Variants in OTOGL observed in about 807,000 individuals in gnomAD.
The protein encoded by OTOGL is otogelin like.
A neutral mutation model predicts 318.5 loss-of-function variants in OTOGL; 285 were observed. The observed-to-expected ratio is 0.89, with a 90% CI of 0.81 to 0.99. The LOEUF (loss-of-function observed/expected upper bound fraction) is 0.99, where lower values mean the gene tolerates loss of function less well. Ranked by LOEUF, OTOGL falls within the 50% of genes least tolerant of loss-of-function variation. OTOGL has a pLI of 0.00. For missense variants in OTOGL, 2,899 were observed against 2,845.6 expected (o/e 1.02, Z -0.43); for synonymous variants, 987 against 936.5 (o/e 1.05, Z -0.99).
chr12:80,238,925 C>G lies in OTOGL; in HGVS notation c.892C>G (p.Leu298Val). 1.3e-6 allele frequency: 2 copies of G among 1,595,848 alleles called. No individual in the cohort carries two copies. The highest frequency in any genetic ancestry group is 1.7e-6 in the Non-Finnish European group (2 of 1,178,024). ...VQTPDDTKCVLTPSDFPNPCS... is the reference protein window; with the variant it reads ...VQTPDDTKCVVTPSDFPNPCS... The stretch of plus-strand genomic sequence containing the variant: ...AACTCCAGATGACACCAAATGTGTA[C>G]TCACACCCTCAGATTTTCCAAATCC... The change falls in exon 10 of 59, where the codon CTC becomes GTC. Residue 298 changes from leucine to valine, a missense_variant. This residue lies in a region of OTOGL where 2,607 missense variants were observed against 2,524.9 expected (regional missense o/e 1.03). Coordinates refer to ENST00000547103, the MANE Select transcript of OTOGL (RefSeq NM_001378609.3).
At chr12:80,190,539 G>A (rs1392524550) in intron 1 of OTOGL, among the ~76,000 whole-genome samples, 1 of 152,104 alleles carries the variant, frequency 6.6e-6, no homozygotes, top group African/African-American at 2.4e-5. Context: ...TGTAATCCCA[G>A]CACTTTGGGA....
At position 80,377,844 on chromosome 12, in the gene OTOGL, A is replaced by G. The variant is rs2138130259; in HGVS notation, c.6862-4A>G. The stretch of plus-strand genomic sequence containing the variant: ...ACTTTTTTTCTCATTGTCACTTCTT[A>G]CAGATAAATGTTGCATCTTGTGACG... On this transcript the variant is annotated splice_region_variant and splice_polypyrimidine_tract_variant and intron_variant, in intron 58 of 58. Transcript: ENST00000547103. The G allele has an allele frequency of 4.0e-5, 64 of 1,599,406 alleles. No individual in the cohort carries two copies. The highest frequency in any genetic ancestry group is 5.3e-5 in the Non-Finnish European group (62 of 1,169,022).
intron 1 of OTOGL, among the ~76,000 whole-genome samples, chr12:80,106,783 TTTTA>T (rs1348447371): frequency 6.6e-6 from 1 of 152,202 alleles, no homozygotes; most frequent in Non-Finnish European, 1.5e-5. Flanking sequence ...CATTAAATTC[TTTTA>T]TTTGTTATGC....
chr12:80,328,888 T>G, intron 36 of OTOGL, 144 bp downstream of exon 36: 1 of 1,032,376 alleles, frequency 9.7e-7, no homozygotes, highest in Non-Finnish European at 1.4e-6. Flanking sequence ...CATAGCTTTT[T>G]TTCCCTAATT....
At chr12:80,132,882 A>T (rs896923367) in intron 1 of OTOGL, 1 of 152,162 alleles carries the variant, frequency 6.6e-6, no homozygotes, top group Non-Finnish European at 1.5e-5. Context: ...TTTGAAGATA[A>T]TGCTAGAATT....
intron 1 of OTOGL, among the ~76,000 whole-genome samples, chr12:80,140,186 A>C (rs1443626892): frequency 6.6e-6 from 1 of 152,128 alleles, no homozygotes; most frequent in Non-Finnish European, 1.5e-5. Flanking sequence ...TCTAGCACTG[A>C]TCTCCTTCAT....
At chr12:80,244,364 C>T (rs1880677364) in intron 11 of OTOGL, among the ~76,000 whole-genome samples, 2 of 135,096 alleles carry the variant, frequency 1.5e-5, no homozygotes, top group Admixed American at 8.2e-5. Flanking sequence ...TATTCCCCTT[C>T]CTGTGTCCAT....
chr12:80,108,844 A>AGG (rs1869635664), intron 1 of OTOGL, among the ~76,000 whole-genome samples: 1 of 74,694 alleles, frequency 1.3e-5, no homozygotes, highest in African/African-American at 6.8e-5. Flanking sequence ...TTGTATATAT[A>AGG]TGTGTATATA....
intron 1 of OTOGL, among the ~76,000 whole-genome samples, chr12:80,187,475 A>G (rs966384631): frequency 5.3e-5 from 8 of 152,168 alleles, no homozygotes; most frequent in Non-Finnish European, 1.0e-4. Context: ...ACAGGATGAG[A>G]GGTGCACAGA....
At position 80,335,896 on chromosome 12, in the gene OTOGL, A is replaced by G. The variant is rs1042519451; in HGVS notation, c.4423-67A>G. 49 of 1,366,752 alleles carry G rather than the reference A, an allele frequency of 3.6e-5. No individual in the cohort carries two copies. In the South Asian group the frequency reaches 7.1e-4, roughly 20 times the overall value. 84.7% of individuals were successfully genotyped at this position (1,366,752 alleles called of 1,614,324 possible). ...TACACCATGGGCAATATGAATGTGG[A>G]ATTTAAAAATCAATTAAAAACATTA... On this transcript the variant is annotated intron_variant, in intron 38 of 58. Coordinates refer to ENST00000547103, the MANE Select transcript of OTOGL (RefSeq NM_001378609.3).
intron 14 of OTOGL, 59 bp downstream of exon 14, chr12:80,253,633 C>A (rs1881772044): frequency 1.5e-6 from 2 of 1,345,988 alleles, no homozygotes; most frequent in Non-Finnish European, 2.1e-6. Context: ...ACAACTTTAC[C>A]ATGACAGATG....
intron 1 of OTOGL, among the ~76,000 whole-genome samples, chr12:80,198,181 A>C (rs903902884): frequency 1.3e-5 from 2 of 152,184 alleles, no homozygotes; most frequent in African/African-American, 2.4e-5. Context: ...CTGGAGTAGA[A>C]GCTTTTTCAG....
intron 5 of OTOGL, among the ~76,000 whole-genome samples, chr12:80,218,795 CTT>C (rs34204072): frequency 1.1e-4 from 13 of 118,212 alleles, no homozygotes; most frequent in African/African-American, 4.2e-4. Context: ...CTTTTTCTTT[CTT>C]TTTTTTTTTT....
chr12:80,375,356 T>A (rs1198030816), intron 57 of OTOGL, among the ~76,000 whole-genome samples: 2 of 152,198 alleles, frequency 1.3e-5, no homozygotes, highest in African/African-American at 4.8e-5. Flanking sequence ...ACTGGGTGCC[T>A]ACATGACAAA....
At chr12:80,313,398 C>T in intron 30 of OTOGL, 78 bp from the exon 31 acceptor site, 10 of 1,379,272 alleles carry the variant, frequency 7.3e-6, no homozygotes, top group Non-Finnish European at 1.0e-5. Flanking sequence ...TTTGAAAACA[C>T]ATAGTTTTTT....
At chr12:80,165,960 C>T (rs906130406) in intron 1 of OTOGL, among the ~76,000 whole-genome samples, 2 of 152,174 alleles carry the variant, frequency 1.3e-5, no homozygotes, top group Non-Finnish European at 2.9e-5. Context: ...GATACACCTT[C>T]CTGCTGTAAA....
chr12:80,344,787 A>C (rs988788762), intron 44 of OTOGL, among the ~76,000 whole-genome samples: 4 of 151,446 alleles, frequency 2.6e-5, no homozygotes, highest in Non-Finnish European at 4.4e-5. Context: ...CTTGTCCATC[A>C]AGATCCTCAT....
chr12:80,378,443 T>C lies in OTOGL; in HGVS notation c.*395T>C, dbSNP rs940617353. 5 of 168,894 alleles carry C rather than the reference T, an allele frequency of 3.0e-5. No individual in the cohort carries two copies. The highest frequency in any genetic ancestry group is 1.2e-4 in the African/African-American group (5 of 41,690). The allele number at this position is 168,894 out of a possible 1,614,324, so 10.5% of individuals were successfully genotyped here. On this transcript the variant is annotated 3_prime_UTR_variant, in exon 59 of 59. Coordinates refer to ENST00000547103, the MANE Select transcript of OTOGL (RefSeq NM_001378609.3). ...CCAAATTAAGGTACCCTTTAATATGTACTCCTTAATCTGGTAAATGTGATC... is the reference window on the plus strand; with the variant it reads ...CCAAATTAAGGTACCCTTTAATATGCACTCCTTAATCTGGTAAATGTGATC...
chr12:80,237,468 G>A (rs1247184429), intron 9 of OTOGL, among the ~76,000 whole-genome samples: 3 of 151,146 alleles, frequency 2.0e-5, no homozygotes, highest in Admixed American at 2.0e-4. Context: ...CCTATATGAA[G>A]TAAGGGAGGC....
Sources: gnomAD v4.1 joint callset for allele counts (sites outside exome capture counted in the v4.1 genomes callset) on GRCh38, gnomAD v4.1.1 for gene constraint, gnomAD v4.1.1 regional missense constraint, MANE v1.5 for transcripts, NCBI Gene and HGNC (gene_info 2026-07-23, HGNC 2026-07-21) for gene names.